Variants in HCRTR2 observed in about 807,000 individuals in gnomAD.
HCRTR2 encodes hypocretin receptor 2, also known as orexin receptor type 2.
Under a neutral mutation model 49.0 loss-of-function variants are expected in HCRTR2, and 22 were observed. The observed-to-expected ratio is 0.45, with a 90% CI of 0.32 to 0.64. The LOEUF (loss-of-function observed/expected upper bound fraction) is 0.64, where lower values mean the gene tolerates loss of function less well. HCRTR2 is among the 30% of genes least tolerant of loss of function. The probability of loss-of-function intolerance (pLI) is 0.04; values close to 1 mark genes in which losing one functional copy is unlikely to be tolerated. For synonymous variants in HCRTR2, 236 were observed against 205.3 expected (o/e 1.15, Z -1.28); for missense variants, 491 against 559.4 (o/e 0.88, Z 1.23).
chr6:55,232,127 C>A (rs1406945468), intron 1 of HCRTR2, among the ~76,000 whole-genome samples: 2 of 152,092 alleles, frequency 1.3e-5, no homozygotes, highest in African/African-American at 2.4e-5. Context: ...AAAAACTTAA[C>A]AATACTTAAT....
intron 2 of HCRTR2, among the ~76,000 whole-genome samples, chr6:55,254,471 C>T (rs1340511054): frequency 6.6e-6 from 1 of 152,076 alleles, no homozygotes; most frequent in African/African-American, 2.4e-5. Flanking sequence ...ACTGGGTGAA[C>T]TTACCTAGTT....
At chr6:55,165,399 T>C (rs1386379737) in intron 1 of HCRTR2, among the ~76,000 whole-genome samples, 1 of 152,062 alleles carries the variant, frequency 6.6e-6, no homozygotes, top group Non-Finnish European at 1.5e-5. Context: ...GTCCTTTCAA[T>C]AAAGGTGTTG....
intron 1 of HCRTR2, among the ~76,000 whole-genome samples, chr6:55,236,200 T>A (rs1009569815): frequency 5.9e-5 from 9 of 152,024 alleles, no homozygotes; most frequent in Non-Finnish European, 1.0e-4. Context: ...AGTGCAGAAA[T>A]CATGTGTTTC....
intron 1 of HCRTR2, among the ~76,000 whole-genome samples, chr6:55,148,157 G>A (rs1764619235): frequency 6.6e-6 from 1 of 152,146 alleles, no homozygotes; most frequent in Non-Finnish European, 1.5e-5. Context: ...TATTGAAAGA[G>A]TGTTTAAAAA....
chr6:55,241,895 GCCT>G (rs201541461), intron 1 of HCRTR2, among the ~76,000 whole-genome samples: 4,981 of 90,876 alleles, frequency 0.055, 352 homozygotes, highest in African/African-American at 0.17. Context: ...GTGAGAGGGA[GCCT>G]CACTCTGTCG....
chr6:55,232,888 T>C (rs1766141314), intron 1 of HCRTR2, among the ~76,000 whole-genome samples: 1 of 152,200 alleles, frequency 6.6e-6, no homozygotes, highest in Admixed American at 6.5e-5. Flanking sequence ...CCGAAGTGCA[T>C]AAACTTTACC....
chr6:55,245,469 T>TATATATATATATATA lies in HCRTR2; in HGVS notation c.224-3170_224-3169insATATATATATATATA, dbSNP rs1562020342. 1.5e-3 allele frequency among the ~76,000 whole-genome samples: 84 copies of TATATATATATATATA among 56,766 alleles called. 4 individuals are homozygous for TATATATATATATATA. Among genetic ancestry groups the TATATATATATATATA allele is most frequent in the African/African-American group, 3.6e-3 (64 of 17,624 alleles). The allele number at this position is 56,766 out of a possible 152,430, so 37.2% of individuals were successfully genotyped here. A position where few individuals can be genotyped will look rare whatever the true frequency, so the allele number is the denominator to read the frequency against. On this transcript the variant is annotated intron_variant, in intron 1 of 6. Coordinates refer to ENST00000370862, the MANE Select transcript of HCRTR2 (RefSeq NM_001384272.1). Reference sequence around the variant, plus strand: ...TACACATAGAATACATAGGAAGATTTTATATATATATATATATATATATAT... The same window carrying TATATATATATATATA: ...TACACATAGAATACATAGGAAGATTTATATATATATATATATATATATATATATATATATATATAT...
chr6:55,210,805 C>G (rs9296777), intron 1 of HCRTR2, among the ~76,000 whole-genome samples: 20,766 of 152,030 alleles, frequency 0.14, 1,851 homozygotes, highest in East Asian at 0.28. Flanking sequence ...CAACAATAAA[C>G]GATTTTGTTG....
At chr6:55,149,698 A>C (rs557839318) in intron 1 of HCRTR2, among the ~76,000 whole-genome samples, 10 of 152,192 alleles carry the variant, frequency 6.6e-5, no homozygotes, top group African/African-American at 2.4e-4. Context: ...AAAATATTTT[A>C]ATGATAAAAA....
intron 1 of HCRTR2, among the ~76,000 whole-genome samples, chr6:55,115,124 G>A (rs1051238209): frequency 6.6e-6 from 1 of 151,740 alleles, no homozygotes; most frequent in Non-Finnish European, 1.5e-5. Flanking sequence ...ATAATCCTGA[G>A]TTTATTACCT....
chr6:55,215,631 G>A (rs9475198), intron 1 of HCRTR2, among the ~76,000 whole-genome samples: 4,276 of 152,172 alleles, frequency 0.028, 196 homozygotes, highest in African/African-American at 0.098. Flanking sequence ...AATTATTAAT[G>A]AATACACAAT....
chr6:55,225,592 CCA>C lies in HCRTR2; in HGVS notation c.224-23042_224-23041del, dbSNP rs2127297727. Among the ~76,000 whole-genome samples the C allele has an allele frequency of 1.3e-5, 2 of 152,238 alleles. 1 individual carries two copies. The highest frequency in any genetic ancestry group is 4.2e-4 in the South Asian group (2 of 4,818). ...GGCATAGAGAATAAAAATTTGCACC[CCA>C]CACAGTCACTCCTCATTCATTCATT... On this transcript the variant is annotated intron_variant, in intron 1 of 6. Transcript: ENST00000370862.
chr6:55,121,116 G>A (rs1295838155), intron 1 of HCRTR2, among the ~76,000 whole-genome samples: 3 of 152,072 alleles, frequency 2.0e-5, no homozygotes, highest in African/African-American at 7.2e-5. Context: ...AACATGGAAT[G>A]TTCTTCCATT....
Position 55,280,341 on chromosome 6 carries a change from C to T in HCRTR2, c.1002C>T (p.Ala334=). 1 of 1,607,602 alleles carries T rather than the reference C, an allele frequency of 6.2e-7. No individual in the cohort carries two copies. The highest frequency in any genetic ancestry group is 2.2e-5 in the East Asian group (1 of 44,820). Residue 334 remains alanine, a synonymous_variant, in exon 6 of 7, where the codon GCC becomes GCT. Coordinates refer to ENST00000370862, the MANE Select transcript of HCRTR2 (RefSeq NM_001384272.1). ...CCTGCAGAGTATTTGGGATGTTTGC[C>T]CATACTGAAGACAGAGAGACTGTGT... ...NVLKRVFGMF[A]HTEDRETVYA...
chr6:55,147,316 C>T (rs1300725504), intron 1 of HCRTR2, among the ~76,000 whole-genome samples: 2 of 152,074 alleles, frequency 1.3e-5, no homozygotes, highest in African/African-American at 2.4e-5. Flanking sequence ...TGTTGTTACT[C>T]TTTCTAGTGA....
chr6:55,201,525 A>G (rs1407259340), intron 1 of HCRTR2, among the ~76,000 whole-genome samples: 2 of 152,190 alleles, frequency 1.3e-5, no homozygotes, highest in African/African-American at 4.8e-5. Context: ...AGAAAAAACT[A>G]AGGGATTTTT....
intron 1 of HCRTR2, among the ~76,000 whole-genome samples, chr6:55,116,449 A>T (rs1764117959): frequency 1.3e-5 from 2 of 150,946 alleles, no homozygotes; most frequent in South Asian, 2.1e-4. Flanking sequence ...CTAGGGGGAG[A>T]TAGAAAAAGA....
At chr6:55,253,196 A>T (rs1049517594) in intron 2 of HCRTR2, among the ~76,000 whole-genome samples, 1 of 94,594 alleles carries the variant, frequency 1.1e-5, no homozygotes, top group Admixed American at 1.0e-4. Context: ...TTCATTTAGC[A>T]CACACACACA....
intron 1 of HCRTR2, among the ~76,000 whole-genome samples, chr6:55,143,011 G>A (rs1764530525): frequency 6.6e-6 from 1 of 151,180 alleles, no homozygotes; most frequent in Non-Finnish European, 1.5e-5. Flanking sequence ...TAGATAGACA[G>A]ACAGACAGAT....
Sources: gnomAD v4.1 joint callset for allele counts (sites outside exome capture counted in the v4.1 genomes callset) on GRCh38, gnomAD v4.1.1 for gene constraint, MANE v1.5 for transcripts, NCBI Gene and HGNC (gene_info 2026-07-23, HGNC 2026-07-21) for gene names.